Variants in CNTN5 observed in about 807,000 individuals in gnomAD.
The protein encoded by CNTN5 is contactin 5, also known as contactin-5.
Under a neutral mutation model 129.1 loss-of-function variants are expected in CNTN5, and 77 were observed. The observed-to-expected ratio is 0.60, with a 90% CI of 0.50 to 0.72. CNTN5 has a LOEUF of 0.72. Among genes scored for constraint, CNTN5 ranks in the 30% least tolerant of loss-of-function variants. CNTN5 has a pLI of 0.00. For synonymous variants in CNTN5, 509 were observed against 465.6 expected (o/e 1.09, Z -1.20); for missense variants, 1,478 against 1,328.8 (o/e 1.11, Z -1.75).
chr11:99,934,528 C>A (rs1364413416), intron 7 of CNTN5, among the ~76,000 whole-genome samples: 1 of 152,136 alleles, frequency 6.6e-6, no homozygotes, highest in African/African-American at 2.4e-5. Context: ...TCCCCCACCA[C>A]CTCCATTTCT....
At chr11:99,669,039 C>T (rs1447126128) in intron 3 of CNTN5, among the ~76,000 whole-genome samples, 6 of 152,030 alleles carry the variant, frequency 3.9e-5, no homozygotes, top group South Asian at 2.1e-4. Flanking sequence ...AATTGATGCA[C>T]GCGTGGATAT....
chr11:100,074,881 G>GA (rs35648963), intron 13 of CNTN5, among the ~76,000 whole-genome samples: 17,869 of 152,056 alleles, frequency 0.12, 1,282 homozygotes, highest in Non-Finnish European at 0.15. Context: ...TACAAATGGA[G>GA]AAAAAATCAT....
At chr11:99,917,327 T>G (rs1949818638) in intron 7 of CNTN5, among the ~76,000 whole-genome samples, 1 of 152,142 alleles carries the variant, frequency 6.6e-6, no homozygotes, top group African/African-American at 2.4e-5. Flanking sequence ...ACATATCTAT[T>G]CTTGCCTGCA....
chr11:99,835,419 A>C (rs1006759299), intron 4 of CNTN5, among the ~76,000 whole-genome samples: 2 of 152,166 alleles, frequency 1.3e-5, no homozygotes, highest in Non-Finnish European at 2.9e-5. Context: ...GGAGGTGCCC[A>C]ACTTCTGACC....
chr11:99,361,624 A>G (rs1021479959), intron 2 of CNTN5, among the ~76,000 whole-genome samples: 17 of 152,174 alleles, frequency 1.1e-4, no homozygotes, highest in African/African-American at 4.1e-4. Flanking sequence ...AACCGTGTCC[A>G]TTAAACAATG....
chr11:100,199,223 A>G (rs1948717405), intron 15 of CNTN5, among the ~76,000 whole-genome samples: 1 of 151,634 alleles, frequency 6.6e-6, no homozygotes, highest in East Asian at 1.9e-4. Flanking sequence ...GATCTAACAA[A>G]GGCTCACAGT....
At chr11:100,282,718 G>T (rs180698188) in intron 18 of CNTN5, among the ~76,000 whole-genome samples, 2 of 152,318 alleles carry the variant, frequency 1.3e-5, no homozygotes, top group Admixed American at 1.3e-4. Context: ...TGCCATTCAG[G>T]AGCCAGGGAC....
chr11:99,332,017 T>C lies in CNTN5; in HGVS notation c.-71+6533T>C, dbSNP rs7925090. On this transcript the variant is annotated intron_variant, in intron 2 of 24. Coordinates refer to ENST00000524871, the MANE Select transcript of CNTN5 (RefSeq NM_014361.4). Reference sequence around the variant, plus strand: ...AAACCCAGCCACAATCAGCTGACCTTCAGCCACTCAAGATGAGTTAATGAT... The same window carrying C: ...AAACCCAGCCACAATCAGCTGACCTCCAGCCACTCAAGATGAGTTAATGAT... Among the ~76,000 whole-genome samples the C allele has an allele frequency of 7.8e-3, 1,191 of 152,248 alleles. 11 individuals are homozygous for C. Among genetic ancestry groups the C allele is most frequent in the African/African-American group, 0.027 (1,123 of 41,560 alleles).
chr11:99,794,345 C>G (rs1218226960), intron 3 of CNTN5, among the ~76,000 whole-genome samples: 2 of 152,054 alleles, frequency 1.3e-5, no homozygotes, highest in Non-Finnish European at 2.9e-5. Context: ...TCTTTTGAGA[C>G]AGCATACTAT....
At chr11:99,626,171 G>C (rs1260933407) in intron 3 of CNTN5, among the ~76,000 whole-genome samples, 1 of 151,884 alleles carries the variant, frequency 6.6e-6, no homozygotes, top group Non-Finnish European at 1.5e-5. Flanking sequence ...ATGCACAGAG[G>C]GTGACATTGA....
At chr11:99,241,207 T>C (rs752232354) in intron 1 of CNTN5, among the ~76,000 whole-genome samples, 5 of 152,170 alleles carry the variant, frequency 3.3e-5, no homozygotes, top group Non-Finnish European at 5.9e-5. Flanking sequence ...ATTTATTTCC[T>C]TGGATGTGTA....
chr11:99,906,351 G>C (rs1199681109), intron 6 of CNTN5, among the ~76,000 whole-genome samples: 3 of 152,080 alleles, frequency 2.0e-5, no homozygotes, highest in Admixed American at 1.3e-4. Context: ...ATGAAGGGGT[G>C]GGGTGTTGAA....
intron 9 of CNTN5, among the ~76,000 whole-genome samples, chr11:100,060,371 T>G (rs1202921260): frequency 6.7e-6 from 1 of 148,376 alleles, no homozygotes; most frequent in African/African-American, 2.5e-5. Context: ...AATAATAAAA[T>G]AGCAAATATA....
intron 4 of CNTN5, among the ~76,000 whole-genome samples, chr11:99,820,248 G>T (rs376322336): frequency 5.7e-4 from 87 of 152,128 alleles, no homozygotes; most frequent in Non-Finnish European, 1.1e-3. Flanking sequence ...AAATACTCTC[G>T]TAGAATGAAA....
rs772735416 is a variant in CNTN5 at position 99,685,077 on chromosome 11, G to T, written c.55+128808G>T. On this transcript the variant is annotated intron_variant, in intron 3 of 24. Coordinates refer to ENST00000524871, the MANE Select transcript of CNTN5 (RefSeq NM_014361.4). ...TAAATTTTCTTTGAAGTATAGTTTA[G>T]CTGCATCTAACAAATTTTTCTCACA... is the stretch of plus-strand genomic sequence containing the variant. 1.1e-4 allele frequency among the ~76,000 whole-genome samples: 17 copies of T among 151,272 alleles called. 1 individual carries two copies. Among genetic ancestry groups the T allele is most frequent in the Non-Finnish European group, 2.4e-4 (16 of 67,630 alleles).
rs528613081 is a variant in CNTN5, at chr11:99,385,880, C to A, written c.-71+60396C>A. Among the ~76,000 whole-genome samples, 8 of 152,222 alleles carry A rather than the reference C, an allele frequency of 5.3e-5. No homozygotes were observed. The South Asian group carries it at 1.0e-3, about 20-fold the overall frequency. Reference sequence around the variant, plus strand: ...TCCTACAAGATCTTTAGACAGTCTTCCTCATGTTGTCAAAATGACTACATA... The same window carrying A: ...TCCTACAAGATCTTTAGACAGTCTTACTCATGTTGTCAAAATGACTACATA... On this transcript the variant is annotated intron_variant, in intron 2 of 24. Coordinates refer to ENST00000524871, the MANE Select transcript of CNTN5 (RefSeq NM_014361.4).
chr11:100,170,889 A>T (rs1286698842), intron 13 of CNTN5, among the ~76,000 whole-genome samples: 4 of 80,874 alleles, frequency 4.9e-5, no homozygotes, highest in Admixed American at 4.5e-4. Flanking sequence ...ATCCTGAAAC[A>T]AAAACAAAAA....
intron 1 of CNTN5, among the ~76,000 whole-genome samples, chr11:99,289,584 T>A (rs1369385789): frequency 2.0e-5 from 3 of 151,772 alleles, no homozygotes; most frequent in Non-Finnish European, 4.4e-5. Context: ...TTTTATGTAT[T>A]CAATCTACTC....
At chr11:99,903,876 A>T (rs1431129194) in intron 6 of CNTN5, among the ~76,000 whole-genome samples, 1 of 152,174 alleles carries the variant, frequency 6.6e-6, no homozygotes, top group South Asian at 2.1e-4. Flanking sequence ...ATAGATACCT[A>T]TCAAAACAAG....
Sources: allele counts gnomAD v4.1 joint callset (sites outside exome capture counted in the v4.1 genomes callset), GRCh38; gene constraint gnomAD v4.1.1; transcripts MANE v1.5; gene names NCBI Gene and HGNC (gene_info 2026-07-23, HGNC 2026-07-21).